The following GSG1L variants were observed in gnomAD, a reference collection of about 807,000 sequenced individuals.
GSG1L encodes germ cell-specific gene 1-like protein.
GSG1L carries 24 observed loss-of-function variants against 42.1 expected under a neutral mutation model. That is an observed-to-expected ratio of 0.57 (90% CI 0.41 to 0.80). The LOEUF (loss-of-function observed/expected upper bound fraction) is 0.80. Among genes scored for constraint, GSG1L ranks in the 30% least tolerant of loss-of-function variants. The pLI, the probability that GSG1L is intolerant of heterozygous loss-of-function variation, is 0.00. For missense variants in GSG1L, 445 were observed against 472.2 expected (o/e 0.94, Z 0.53); for synonymous variants, 215 against 203.5 (o/e 1.06, Z -0.48).
chr16:27,973,892 C>A (rs1418837023), intron 1 of GSG1L, among the ~76,000 whole-genome samples: 1 of 152,112 alleles, frequency 6.6e-6, no homozygotes, highest in Non-Finnish European at 1.5e-5. Flanking sequence ...ATGCTCTGGG[C>A]TCCTTCGTGG....
rs1386984573 is a variant in GSG1L, at chr16:27,942,423, T to C, written c.397+20733A>G. On this transcript the variant is annotated intron_variant, in intron 2 of 6. Transcript: ENST00000447459. Reference sequence around the variant, plus strand: ...CCTTGGCCTCCCAAAGTGCTAGGATTATAGACGTGAGCCACCGCACCTGGC... The same window carrying C: ...CCTTGGCCTCCCAAAGTGCTAGGATCATAGACGTGAGCCACCGCACCTGGC... Among the ~76,000 whole-genome samples, 4 of 152,324 alleles carry C rather than the reference T, an allele frequency of 2.6e-5. No homozygotes were observed. The South Asian group carries it at 6.2e-4, about 24-fold the overall frequency.
chr16:27,985,155 A>G (rs2085367392), intron 1 of GSG1L, among the ~76,000 whole-genome samples: 1 of 152,054 alleles, frequency 6.6e-6, no homozygotes. Context: ...AATCTAGAGG[A>G]GACTTCCTGT....
intron 1 of GSG1L, among the ~76,000 whole-genome samples, chr16:28,018,046 A>C (rs2085799521): frequency 6.6e-6 from 1 of 152,180 alleles, no homozygotes; most frequent in African/African-American, 2.4e-5. Context: ...TTTAATTTAG[A>C]GATTTAAAAA....
At chr16:27,894,108 G>A (rs2084162326) in intron 2 of GSG1L, among the ~76,000 whole-genome samples, 1 of 152,162 alleles carries the variant, frequency 6.6e-6, no homozygotes, top group Non-Finnish European at 1.5e-5. Context: ...CCTGGACCAG[G>A]TGACCTTAGC....
intron 1 of GSG1L, among the ~76,000 whole-genome samples, chr16:28,031,883 A>G (rs989610927): frequency 6.6e-6 from 1 of 152,272 alleles, no homozygotes; most frequent in African/African-American, 2.4e-5. Flanking sequence ...CACTCCACAG[A>G]GATCACGCAT....
chr16:27,889,488 C>T (rs770940171), intron 2 of GSG1L, among the ~76,000 whole-genome samples: 2 of 152,126 alleles, frequency 1.3e-5, no homozygotes, highest in African/African-American at 2.4e-5. Flanking sequence ...GTTGATGTCC[C>T]GCCCAATCTC....
At chr16:28,055,896 A>T (rs1373754362) in intron 1 of GSG1L, among the ~76,000 whole-genome samples, 1 of 148,612 alleles carries the variant, frequency 6.7e-6, no homozygotes, top group Non-Finnish European at 1.5e-5. Context: ...GACAGCTCTG[A>T]GTCTGGCACC....
At chr16:27,923,027 A>G (rs1469450610) in intron 2 of GSG1L, among the ~76,000 whole-genome samples, 2 of 152,168 alleles carry the variant, frequency 1.3e-5, no homozygotes, top group African/African-American at 4.8e-5. Context: ...GCCTCAAGCA[A>G]TCCTCCTGCC....
chr16:27,929,831 C>A (rs76544847), intron 2 of GSG1L, among the ~76,000 whole-genome samples: 2,497 of 152,234 alleles, frequency 0.016, 65 homozygotes, highest in African/African-American at 0.057. Flanking sequence ...CGTGAGCAAA[C>A]CAGGAATGGG....
At chr16:28,047,133 G>A (rs144820292) in intron 1 of GSG1L, among the ~76,000 whole-genome samples, 25 of 152,266 alleles carry the variant, frequency 1.6e-4, no homozygotes, top group Admixed American at 2.6e-4. Flanking sequence ...GAAAGTTTAC[G>A]AAAGGGACTT....
chr16:27,929,455 C>T (rs557396418), intron 2 of GSG1L, among the ~76,000 whole-genome samples: 109 of 152,264 alleles, frequency 7.2e-4, no homozygotes, highest in Admixed American at 2.0e-3. Context: ...CTGTGGGTGC[C>T]GCTAAGGAAG....
intron 1 of GSG1L, among the ~76,000 whole-genome samples, chr16:28,052,279 CTTTT>C (rs923222071): frequency 1.3e-5 from 2 of 151,752 alleles, no homozygotes; most frequent in Admixed American, 6.6e-5. Flanking sequence ...TTTCTACTTT[CTTTT>C]TTTTATTATT....
intron 1 of GSG1L, among the ~76,000 whole-genome samples, chr16:27,985,161 C>T (rs1235122120): frequency 6.6e-6 from 1 of 152,108 alleles, no homozygotes; most frequent in Non-Finnish European, 1.5e-5. Context: ...GAGGAGACTT[C>T]CTGTGCCCCT....
chr16:27,855,308 G>A (rs958960574), intron 3 of GSG1L, among the ~76,000 whole-genome samples: 2 of 152,212 alleles, frequency 1.3e-5, no homozygotes, highest in East Asian at 1.9e-4. Flanking sequence ...AGGGCTCAGC[G>A]AGCTGTGGTG....
chr16:27,823,473 G>A (rs910099482), intron 5 of GSG1L, among the ~76,000 whole-genome samples: 1 of 152,062 alleles, frequency 6.6e-6, no homozygotes, highest in African/African-American at 2.4e-5. Flanking sequence ...TGGGGGTAGG[G>A]GTGGGAAAGG....
chr16:27,965,533 C>T (rs1213760551), intron 1 of GSG1L, among the ~76,000 whole-genome samples: 2 of 152,164 alleles, frequency 1.3e-5, no homozygotes, highest in African/African-American at 2.4e-5. Context: ...ACTCTGCTTA[C>T]ACACACATTA....
intron 3 of GSG1L, among the ~76,000 whole-genome samples, chr16:27,861,470 G>T (rs1567492019): frequency 6.6e-6 from 1 of 152,172 alleles, no homozygotes. Flanking sequence ...TGTCCAAACT[G>T]AAATGCACTT....
chr16:27,794,073 G>C (rs1369487603), intron 6 of GSG1L, among the ~76,000 whole-genome samples: 2 of 152,206 alleles, frequency 1.3e-5, no homozygotes, highest in Non-Finnish European at 2.9e-5. Context: ...GGAGCGCAGT[G>C]GCGCCATCAT....
At chr16:27,988,939 G>A (rs1221411732) in intron 1 of GSG1L, among the ~76,000 whole-genome samples, 1 of 151,432 alleles carries the variant, frequency 6.6e-6, no homozygotes, top group African/African-American at 2.4e-5. Flanking sequence ...TGTAATCCCT[G>A]CTCCTCGGGA....
Sources: allele counts gnomAD v4.1 joint callset (sites outside exome capture counted in the v4.1 genomes callset), GRCh38; gene constraint gnomAD v4.1.1; transcripts MANE v1.5; gene names NCBI Gene and HGNC (gene_info 2026-07-23, HGNC 2026-07-21).